Variants in CCSER1 observed in about 807,000 individuals in gnomAD.
CCSER1 encodes serine-rich coiled-coil domain-containing protein 1.
A neutral mutation model predicts 82.0 loss-of-function variants in CCSER1; 41 were observed. The observed-to-expected ratio is 0.50, with a 90% CI of 0.39 to 0.65. The LOEUF (loss-of-function observed/expected upper bound fraction) is 0.65, where lower values mean the gene tolerates loss of function less well. Among genes scored for constraint, CCSER1 ranks in the 30% least tolerant of loss-of-function variants. The pLI is 0.00. For missense variants in CCSER1, 1,119 were observed against 1,064.2 expected, an observed-to-expected ratio of 1.05 and a Z score of -0.72; for synonymous variants, 414 against 383.9, an observed-to-expected ratio of 1.08 and a Z score of -0.92.
chr4:90,480,286 C>G (rs1040655040), intron 5 of CCSER1, among the ~76,000 whole-genome samples: 4 of 152,224 alleles, frequency 2.6e-5, no homozygotes, highest in East Asian at 3.9e-4. Context: ...AGCCCTTTGT[C>G]ACATAAATAG....
intron 10 of CCSER1, among the ~76,000 whole-genome samples, chr4:91,465,852 CA>C: frequency 6.6e-6 from 1 of 152,096 alleles, no homozygotes; most frequent in Non-Finnish European, 1.5e-5. Context: ...GAAATTTAGG[CA>C]ATAATTAAGA....
At chr4:90,155,904 C>T (rs1255446173) in intron 1 of CCSER1, among the ~76,000 whole-genome samples, 1 of 151,566 alleles carries the variant, frequency 6.6e-6, no homozygotes, top group African/African-American at 2.4e-5. Context: ...TTATTTCTTG[C>T]CTTCTGCTAG....
chr4:91,058,133 G>T (rs1473179505), intron 9 of CCSER1, among the ~76,000 whole-genome samples: 2 of 152,028 alleles, frequency 1.3e-5, no homozygotes, highest in African/African-American at 4.8e-5. Context: ...CCTAGTGCCT[G>T]TTAGTTATTT....
At chr4:91,438,856 C>T (rs1397600732) in intron 10 of CCSER1, among the ~76,000 whole-genome samples, 4 of 151,932 alleles carry the variant, frequency 2.6e-5, no homozygotes, top group Non-Finnish European at 5.9e-5. Context: ...GGAGCCAATG[C>T]GATCAACTGG....
intron 7 of CCSER1, among the ~76,000 whole-genome samples, chr4:90,811,908 TATACACACAC>T (rs145428793): frequency 0.2 from 24,098 of 118,296 alleles, 2,465 homozygotes; most frequent in South Asian, 0.29. Flanking sequence ...GGAATATATA[TATACACACAC>T]ACACACACAC....
At chr4:90,367,840 T>A (rs1746539734) in intron 3 of CCSER1, among the ~76,000 whole-genome samples, 2 of 151,908 alleles carry the variant, frequency 1.3e-5, no homozygotes, top group African/African-American at 4.8e-5. Flanking sequence ...CAAATGAGCA[T>A]GCTTGGGGTC....
chr4:90,711,379 C>A (rs1392302511), intron 6 of CCSER1, among the ~76,000 whole-genome samples: 1 of 151,842 alleles, frequency 6.6e-6, no homozygotes, highest in Non-Finnish European at 1.5e-5. Flanking sequence ...TGAATAGGAG[C>A]TGTGAGAGAG....
chr4:90,263,895 C>T (rs1331816323), intron 1 of CCSER1, among the ~76,000 whole-genome samples: 2 of 152,116 alleles, frequency 1.3e-5, no homozygotes, highest in African/African-American at 4.8e-5. Context: ...GGAACATTAC[C>T]CCAGTGGCCT....
chr4:90,765,910 A>G (rs2149538493), intron 7 of CCSER1, among the ~76,000 whole-genome samples: 1 of 152,256 alleles, frequency 6.6e-6, no homozygotes, highest in South Asian at 2.1e-4. Flanking sequence ...AGAAAGATGG[A>G]TATATGGAGG....
chr4:90,259,410 G>C (rs2153447657), intron 1 of CCSER1, among the ~76,000 whole-genome samples: 1 of 152,182 alleles, frequency 6.6e-6, no homozygotes, highest in South Asian at 2.1e-4. Flanking sequence ...CATATCATCA[G>C]TGAACAGTGA....
At chr4:90,474,160 A>G (rs886126922) in intron 5 of CCSER1, among the ~76,000 whole-genome samples, 5 of 150,470 alleles carry the variant, frequency 3.3e-5, no homozygotes, top group Non-Finnish European at 7.4e-5. Flanking sequence ...AAAAAATGCA[A>G]AAGTGTAGCT....
chr4:90,249,102 A>G (rs1299565060), intron 1 of CCSER1, among the ~76,000 whole-genome samples: 1 of 152,140 alleles, frequency 6.6e-6, no homozygotes, highest in Non-Finnish European at 1.5e-5. Flanking sequence ...AAGACATGGC[A>G]TACTTCTTTT....
chr4:90,579,683 C>A (rs1781203943), intron 5 of CCSER1, among the ~76,000 whole-genome samples: 1 of 134,826 alleles, frequency 7.4e-6, no homozygotes, highest in Non-Finnish European at 1.6e-5. Context: ...CAATTACTGG[C>A]CTTCAGAAAT....
intron 1 of CCSER1, among the ~76,000 whole-genome samples, chr4:90,214,287 C>G (rs142474277): frequency 2.7e-4 from 41 of 152,084 alleles, no homozygotes; most frequent in Admixed American, 2.5e-3. Context: ...AAGTTCTTTT[C>G]AAAATGCTTC....
chr4:90,467,001 T>C (rs1404058142), intron 4 of CCSER1, among the ~76,000 whole-genome samples: 1 of 152,200 alleles, frequency 6.6e-6, no homozygotes, highest in Non-Finnish European at 1.5e-5. Flanking sequence ...TATTCACCAG[T>C]GGAAAGCCAC....
chr4:90,470,213 T>G (rs928467880), intron 5 of CCSER1, among the ~76,000 whole-genome samples: 1 of 152,172 alleles, frequency 6.6e-6, no homozygotes, highest in Non-Finnish European at 1.5e-5. Context: ...TTGATTAATG[T>G]CTCCATTATA....
chr4:91,049,140 A>T (rs1742777370), intron 9 of CCSER1, among the ~76,000 whole-genome samples: 1 of 152,186 alleles, frequency 6.6e-6, no homozygotes, highest in Non-Finnish European at 1.5e-5. Context: ...CCATTTAATA[A>T]ACTTTTAAAT....
At position 90,808,549 on chromosome 4, in the gene CCSER1, T is replaced by A. The variant is rs142295959; in HGVS notation, c.2011-7213T>A. ...CAACTCAAATCAGCAAGAAAAAAAATAAATAATCCCATCAAAAAGTGGGTA... is the reference window on the plus strand; with the variant it reads ...CAACTCAAATCAGCAAGAAAAAAAAAAAATAATCCCATCAAAAAGTGGGTA... On this transcript the variant is annotated intron_variant, in intron 7 of 10. Coordinates refer to ENST00000509176, the MANE Select transcript of CCSER1 (RefSeq NM_001145065.2). Among the ~76,000 whole-genome samples the A allele has an allele frequency of 5.8e-4, 87 of 151,274 alleles. 1 individual carries two copies. In the East Asian group the frequency reaches 0.011, roughly 20 times the overall value.
At chr4:90,351,840 A>T (rs924538689) in intron 3 of CCSER1, among the ~76,000 whole-genome samples, 1 of 152,218 alleles carries the variant, frequency 6.6e-6, no homozygotes, top group African/African-American at 2.4e-5. Flanking sequence ...CTACTTAGTC[A>T]TAATAAATAG....
Sources: allele counts gnomAD v4.1 joint callset (sites outside exome capture counted in the v4.1 genomes callset), GRCh38; gene constraint gnomAD v4.1.1; transcripts MANE v1.5; gene names NCBI Gene and HGNC (gene_info 2026-07-23, HGNC 2026-07-21).